CXADR: variants seen among roughly 807,000 people sequenced by gnomAD.
The protein encoded by CXADR is coxsackievirus and adenovirus receptor.
CXADR carries 20 observed loss-of-function variants against 40.3 expected under a neutral mutation model. The observed-to-expected ratio is 0.50, with a 90% CI of 0.35 to 0.72. The LOEUF (loss-of-function observed/expected upper bound fraction) is 0.72. CXADR is among the 30% of genes least tolerant of loss of function. CXADR has a pLI of 0.01. For synonymous variants in CXADR, 150 were observed against 161.3 expected, an observed-to-expected ratio of 0.93 and a Z score of 0.53; for missense variants, 332 against 449.1, an observed-to-expected ratio of 0.74 and a Z score of 2.36.
intron 3 of CXADR, among the ~76,000 whole-genome samples, chr21:17,558,456 AT>A (rs756996401): frequency 1.3e-5 from 2 of 151,926 alleles, no homozygotes; most frequent in Non-Finnish European, 2.9e-5. Context: ...CTTTGGATGG[AT>A]TTGAGGTGAT....
intron 1 of CXADR, chr21:17,530,576 G>A (rs1049578515): frequency 2.7e-5 from 8 of 299,700 alleles, no homozygotes; most frequent in Admixed American, 1.7e-4. Context: ...CACTTCGAGA[G>A]GCCAAGATGG....
the CXADR span, among the ~76,000 whole-genome samples, chr21:17,630,305 A>G: frequency 1.3e-5 from 2 of 152,220 alleles, no homozygotes; most frequent in Admixed American, 1.3e-4. Context: ...ATTTAAAATT[A>G]CCAAGATTGT....
At chr21:17,604,950 T>G in the CXADR span, 1 of 1,614,070 alleles carries the variant, frequency 6.2e-7, no homozygotes, top group Admixed American at 1.7e-5. Context: ...TTCACAGGCT[T>G]TCAGGACATC....
intron 1 of CXADR, among the ~76,000 whole-genome samples, chr21:17,535,723 T>C (rs1021782719): frequency 1.3e-5 from 2 of 152,200 alleles, no homozygotes; most frequent in Non-Finnish European, 2.9e-5. Context: ...GTTCCTCTTA[T>C]TGGCTGGGCA....
the CXADR span, among the ~76,000 whole-genome samples, chr21:17,634,652 A>G: frequency 6.6e-6 from 1 of 152,240 alleles, no homozygotes; most frequent in Non-Finnish European, 1.5e-5. Flanking sequence ...CACAGACTAC[A>G]TTTGGAGGAC....
At chr21:17,527,387 C>T (rs1455989819) in intron 1 of CXADR, 1 of 152,178 alleles carries the variant, frequency 6.6e-6, no homozygotes, top group East Asian at 1.9e-4. Context: ...CTTTTTAGCT[C>T]CCCTTATCTG....
chr21:17,515,413 T>C (rs1000571981), intron 1 of CXADR, among the ~76,000 whole-genome samples: 4 of 151,742 alleles, frequency 2.6e-5, no homozygotes, highest in Non-Finnish European at 5.9e-5. Flanking sequence ...ATGACGCTGC[T>C]CTCGAGCCTG....
downstream of CXADR, among the ~76,000 whole-genome samples, chr21:17,573,176 C>T (rs535321811): frequency 7.1e-4 from 107 of 151,352 alleles, no homozygotes; most frequent in African/African-American, 2.0e-3. Context: ...TGTCTACCAC[C>T]GTGTGTACAT....
At chr21:17,586,813 G>A (rs2061400210) in intron 7 of CXADR, among the ~76,000 whole-genome samples, 1 of 152,054 alleles carries the variant, frequency 6.6e-6, no homozygotes, top group South Asian at 2.1e-4. Flanking sequence ...ATGTATACAT[G>A]TGCCGTGTTG....
chr21:17,609,644 G>A, the CXADR span, among the ~76,000 whole-genome samples: 8,922 of 152,272 alleles, frequency 0.059, 326 homozygotes, highest in Middle Eastern at 0.12. Flanking sequence ...GTTATCATAT[G>A]ACACGGCCAA....
chr21:17,581,031 A>G (rs755316341), intron 7 of CXADR, among the ~76,000 whole-genome samples: 1 of 152,212 alleles, frequency 6.6e-6, no homozygotes, highest in Non-Finnish European at 1.5e-5. Context: ...GATTATAGGC[A>G]TGAACCATCT....
chr21:17,558,026 T>C lies in CXADR; in HGVS notation c.416-950T>C, dbSNP rs530492602. Among the ~76,000 whole-genome samples, 34 of 152,262 alleles carry C rather than the reference T, an allele frequency of 2.2e-4. 2 individuals carry two copies. On this transcript the variant is annotated intron_variant, in intron 3 of 6. Transcript: ENST00000284878. ...TGGGGTGAGTTGCAGGTAATGGAGTTAGTAGTTGTTCTAAACAGTTACCCA... is the reference window on the plus strand; with the variant it reads ...TGGGGTGAGTTGCAGGTAATGGAGTCAGTAGTTGTTCTAAACAGTTACCCA...
chr21:17,614,900 T>C, the CXADR span, among the ~76,000 whole-genome samples: 2 of 152,216 alleles, frequency 1.3e-5, no homozygotes, highest in Non-Finnish European at 2.9e-5. Context: ...GTGCTTCAGA[T>C]GCTTTGCCCC....
intron 1 of CXADR, among the ~76,000 whole-genome samples, chr21:17,539,750 C>T (rs760529044): frequency 5.3e-5 from 8 of 152,114 alleles, no homozygotes; most frequent in Non-Finnish European, 1.0e-4. Context: ...GCAGTTCCCT[C>T]GTGTCTTTAT....
chr21:17,617,649 A>G, the CXADR span, among the ~76,000 whole-genome samples: 1 of 152,208 alleles, frequency 6.6e-6, no homozygotes, highest in African/African-American at 2.4e-5. Flanking sequence ...TTGTGTCTAA[A>G]AAGTACTTAA....
intron 1 of CXADR, among the ~76,000 whole-genome samples, chr21:17,542,621 T>G (rs1219920068): frequency 6.6e-6 from 1 of 152,224 alleles, no homozygotes; most frequent in Non-Finnish European, 1.5e-5. Flanking sequence ...TCCGTCTGTT[T>G]ATTTACATAA....
intron 7 of CXADR, among the ~76,000 whole-genome samples, chr21:17,590,098 T>C (rs1371244617): frequency 6.6e-6 from 1 of 152,002 alleles, no homozygotes; most frequent in Non-Finnish European, 1.5e-5. Context: ...TACACACAAA[T>C]AAACATTTTT....
downstream of CXADR, among the ~76,000 whole-genome samples, chr21:17,570,606 C>A (rs1246686593): frequency 1.3e-5 from 2 of 152,106 alleles, no homozygotes; most frequent in Non-Finnish European, 2.9e-5. Flanking sequence ...AGAGTGGAGT[C>A]CTCCTGACTT....
At chr21:17,540,317 A>G (rs2060811540) in intron 1 of CXADR, among the ~76,000 whole-genome samples, 1 of 152,164 alleles carries the variant, frequency 6.6e-6, no homozygotes, top group South Asian at 2.1e-4. Flanking sequence ...GCCGTCCCCC[A>G]AAAGTATTTT....
Sources: gnomAD v4.1 joint callset for allele counts (sites outside exome capture counted in the v4.1 genomes callset) on GRCh38, gnomAD v4.1.1 for gene constraint, MANE v1.5 for transcripts, NCBI Gene and HGNC (gene_info 2026-07-23, HGNC 2026-07-21) for gene names.